The following MPZL1 variants were observed in gnomAD, a reference collection of about 807,000 sequenced individuals.
MPZL1 encodes the protein myelin protein zero-like protein 1.
MPZL1 carries 16 observed loss-of-function variants against 29.3 expected under a neutral mutation model. The observed-to-expected ratio is 0.55, with a 90% CI of 0.37 to 0.83. The LOEUF is 0.83. Ranked by LOEUF, MPZL1 falls within the 40% of genes least tolerant of loss-of-function variation. The pLI is 0.00. For missense variants in MPZL1, 279 were observed against 332.9 expected, an observed-to-expected ratio of 0.84 and a Z score of 1.26; for synonymous variants, 143 against 132.0, an observed-to-expected ratio of 1.08 and a Z score of -0.57.
intron 2 of MPZL1, among the ~76,000 whole-genome samples, chr1:167,769,374 G>A (rs897747047): frequency 7.2e-5 from 11 of 152,288 alleles, no homozygotes; most frequent in Admixed American, 5.9e-4. Context: ...TTTCAGGGCT[G>A]AAGTCAGACA....
intron 5 of MPZL1, among the ~76,000 whole-genome samples, chr1:167,784,566 G>A (rs985746996): frequency 2.0e-5 from 3 of 152,176 alleles, no homozygotes; most frequent in Non-Finnish European, 4.4e-5. Context: ...AAATCGAGGT[G>A]CTGAGGCATG....
chr1:167,729,129 G>A (rs1410600726), intron 1 of MPZL1, among the ~76,000 whole-genome samples: 1 of 151,996 alleles, frequency 6.6e-6, no homozygotes, highest in African/African-American at 2.4e-5. Flanking sequence ...AATTAGCTGG[G>A]GGTGGTGGCG....
intron 1 of MPZL1, among the ~76,000 whole-genome samples, chr1:167,753,451 A>C (rs1026544561): frequency 6.6e-6 from 1 of 152,234 alleles, no homozygotes; most frequent in South Asian, 2.1e-4. Flanking sequence ...GATCTCATTA[A>C]AAACGTGTCC....
chr1:167,772,138 G>A (rs1022117196), intron 2 of MPZL1, 137 bp from the exon 3 acceptor site: 23 of 707,330 alleles, frequency 3.3e-5, no homozygotes, highest in Non-Finnish European at 5.5e-5. Context: ...AGAGAGAGGG[G>A]GAGAGGGAGA....
At chr1:167,740,529 C>CT in intron 1 of MPZL1, among the ~76,000 whole-genome samples, 1 of 152,282 alleles carries the variant, frequency 6.6e-6, no homozygotes, top group Admixed American at 6.5e-5. Flanking sequence ...AGTCTGCTCC[C>CT]TTTCCGCCAC....
intron 1 of MPZL1, among the ~76,000 whole-genome samples, chr1:167,736,358 A>C (rs1176769775): frequency 6.6e-6 from 1 of 152,200 alleles, no homozygotes; most frequent in Non-Finnish European, 1.5e-5. Context: ...GGTGACTCCC[A>C]AATATATCCC....
intron 1 of MPZL1, among the ~76,000 whole-genome samples, chr1:167,750,773 G>A (rs1419539975): frequency 2.0e-5 from 3 of 152,252 alleles, no homozygotes; most frequent in Middle Eastern, 3.4e-3. Flanking sequence ...GATGATGCCC[G>A]TTGATCCAAT....
At chr1:167,739,282 C>CATATATATATATATATACAT (rs1660456623) in intron 1 of MPZL1, among the ~76,000 whole-genome samples, 10 of 90,400 alleles carry the variant, frequency 1.1e-4, no homozygotes, top group African/African-American at 6.3e-4. Flanking sequence ...TACATATATA[C>CATATATATATATATATACAT]ATATATATAT....
rs1397348966 is a variant in MPZL1 at position 167,765,689 on chromosome 1, T to TA, written c.198_199insA (p.Gly67ArgfsTer38). On this transcript the variant is annotated frameshift_variant, in exon 2 of 6. Transcript: ENST00000359523. LOFTEE classifies it high-confidence loss of function. ...GCAAGTTCAAGTCTACTAGTACGACTGGCGGGTTGACCTCAGTCTCCTGGA... is the reference window on the plus strand; with the variant it reads ...GCAAGTTCAAGTCTACTAGTACGACTAGGCGGGTTGACCTCAGTCTCCTGGA... 1.9e-6 allele frequency: 3 copies of TA among 1,613,444 alleles called. No homozygotes were observed.
intron 1 of MPZL1, among the ~76,000 whole-genome samples, chr1:167,739,296 T>TACAC (rs1471139570): frequency 8.8e-6 from 1 of 113,580 alleles, no homozygotes; most frequent in African/African-American, 5.2e-5. Context: ...TATATATATA[T>TACAC]ATATATATAT....
chr1:167,734,437 G>A (rs1053784982), intron 1 of MPZL1, among the ~76,000 whole-genome samples: 12 of 152,176 alleles, frequency 7.9e-5, no homozygotes, highest in South Asian at 6.2e-4. Flanking sequence ...CCTGAGTTGC[G>A]TAACATTAAA....
At chr1:167,773,955 C>T (rs564239644) in intron 4 of MPZL1, 4 of 152,212 alleles carry the variant, frequency 2.6e-5, no homozygotes, top group Admixed American at 2.6e-4. Flanking sequence ...AATAAACTAC[C>T]TCCCCCAGCC....
At chr1:167,779,662 T>C (rs190547276) in intron 5 of MPZL1, among the ~76,000 whole-genome samples, 14 of 152,112 alleles carry the variant, frequency 9.2e-5, no homozygotes, top group African/African-American at 2.7e-4. Flanking sequence ...AAGTAAAATG[T>C]ATGACAACAG....
intron 2 of MPZL1, among the ~76,000 whole-genome samples, chr1:167,769,452 C>G (rs1488403022): frequency 1.3e-5 from 2 of 152,164 alleles, no homozygotes; most frequent in Admixed American, 1.3e-4. Context: ...GATGCAACGC[C>G]TCTGCCTGCA....
rs926385437 is a variant in MPZL1, at chr1:167,722,175, G to C, written c.24G>C (p.Gly8=). MAASAGA[G]AVIAAPDSRR... is the part of the protein sequence containing the mutation. ...CGATGGCAGCGTCCGCCGGAGCCGGGGCGGTGATTGCAGCCCCAGACAGCC... is the reference window on the plus strand; with the variant it reads ...CGATGGCAGCGTCCGCCGGAGCCGGCGCGGTGATTGCAGCCCCAGACAGCC... The change falls in exon 1 of 6, where the codon GGG becomes GGC. Residue 8 remains glycine, a synonymous_variant. Coordinates refer to ENST00000359523, the MANE Select transcript of MPZL1 (RefSeq NM_003953.6). 1 of 1,237,674 alleles carries C rather than the reference G, an allele frequency of 8.1e-7. No homozygotes were observed. Among genetic ancestry groups the C allele is most frequent in the East Asian group, 3.2e-5 (1 of 31,662 alleles). The allele number at this position is 1,237,674 out of a possible 1,614,324, so 76.7% of individuals were successfully genotyped here. A position where few individuals can be genotyped will look rare whatever the true frequency, so the allele number is the denominator to read the frequency against.
intron 1 of MPZL1, among the ~76,000 whole-genome samples, chr1:167,746,081 T>C (rs142745659): frequency 6.6e-6 from 1 of 152,202 alleles, no homozygotes; most frequent in East Asian, 1.9e-4. Context: ...AATTCATTTA[T>C]ACTTCAGAAA....
intron 1 of MPZL1, among the ~76,000 whole-genome samples, chr1:167,729,337 T>C (rs2101746544): frequency 6.6e-6 from 1 of 152,218 alleles, no homozygotes; most frequent in Non-Finnish European, 1.5e-5. Context: ...CTCCAAACAT[T>C]AAGTTTACAA....
chr1:167,758,672 T>C (rs1660920349), intron 1 of MPZL1, among the ~76,000 whole-genome samples: 1 of 152,230 alleles, frequency 6.6e-6, no homozygotes. Context: ...TCAAATGACT[T>C]TGCGGGCTTT....
intron 1 of MPZL1, among the ~76,000 whole-genome samples, chr1:167,732,021 C>A (rs190172105): frequency 1.3e-5 from 2 of 152,172 alleles, no homozygotes; most frequent in East Asian, 3.9e-4. Flanking sequence ...AACTGTGATC[C>A]TATTTGGTAT....
Sources: gnomAD v4.1 joint callset for allele counts (sites outside exome capture counted in the v4.1 genomes callset) on GRCh38, gnomAD v4.1.1 for gene constraint, MANE v1.5 for transcripts, NCBI Gene and HGNC (gene_info 2026-07-23, HGNC 2026-07-21) for gene names.